The following GPC5 variants were observed in gnomAD, a reference collection of about 807,000 sequenced individuals.
GPC5 encodes the protein glypican-5.
A neutral mutation model predicts 53.9 loss-of-function variants in GPC5; 47 were observed. The observed-to-expected ratio is 0.87, with a 90% CI of 0.69 to 1.11. GPC5 has a LOEUF of 1.11. GPC5 is among the 50% of genes most tolerant of loss of function. The probability of loss-of-function intolerance (pLI) is 0.00; values close to 1 mark genes in which losing one functional copy is unlikely to be tolerated. For synonymous variants in GPC5, 286 were observed against 263.3 expected (o/e 1.09, Z -0.84); for missense variants, 748 against 713.1 (o/e 1.05, Z -0.56).
chr13:91,598,862 A>G (rs993737345), intron 2 of GPC5, among the ~76,000 whole-genome samples: 1 of 152,012 alleles, frequency 6.6e-6, no homozygotes, highest in African/African-American at 2.4e-5. Context: ...GGAAAGCTAT[A>G]TAAAGAAAAA....
intron 6 of GPC5, among the ~76,000 whole-genome samples, chr13:92,128,350 A>G (rs933916049): frequency 2.6e-5 from 4 of 152,196 alleles, no homozygotes; most frequent in African/African-American, 9.6e-5. Flanking sequence ...CTCCAAGAAC[A>G]TCTCTAAAGC....
At chr13:92,578,026 T>C (rs185003519) in intron 7 of GPC5, among the ~76,000 whole-genome samples, 1 of 152,118 alleles carries the variant, frequency 6.6e-6, no homozygotes, top group African/African-American at 2.4e-5. Context: ...TTTGTGAAAA[T>C]AGTTGTGGTT....
chr13:91,840,451 A>G (rs2038772768), intron 5 of GPC5, among the ~76,000 whole-genome samples: 1 of 152,108 alleles, frequency 6.6e-6, no homozygotes, highest in Non-Finnish European at 1.5e-5. Context: ...AAATCCTGGG[A>G]AAACTGTATT....
At chr13:92,467,373 A>G (rs1015370464) in intron 7 of GPC5, among the ~76,000 whole-genome samples, 3 of 152,148 alleles carry the variant, frequency 2.0e-5, no homozygotes, top group Non-Finnish European at 4.4e-5. Context: ...ATTGGTATAC[A>G]TTAATATAAG....
intron 5 of GPC5, among the ~76,000 whole-genome samples, chr13:91,845,578 A>G (rs1032712174): frequency 6.6e-6 from 1 of 152,154 alleles, no homozygotes; most frequent in Admixed American, 6.6e-5. Context: ...TTTAACTTTC[A>G]TGAGTAAATA....
intron 2 of GPC5, among the ~76,000 whole-genome samples, chr13:91,544,949 T>G (rs1031776308): frequency 6.6e-6 from 1 of 152,134 alleles, no homozygotes; most frequent in Non-Finnish European, 1.5e-5. Flanking sequence ...GCAAACTCAG[T>G]TCCTCACTGT....
intron 5 of GPC5, among the ~76,000 whole-genome samples, chr13:91,815,837 A>T (rs893462222): frequency 1.3e-5 from 2 of 152,208 alleles, no homozygotes; most frequent in African/African-American, 4.8e-5. Flanking sequence ...TAATAATTCA[A>T]ATGAAGTGGC....
intron 2 of GPC5, among the ~76,000 whole-genome samples, chr13:91,629,136 A>G (rs1328342915): frequency 1.3e-5 from 2 of 152,132 alleles, no homozygotes; most frequent in African/African-American, 4.8e-5. Flanking sequence ...GTGTTAATAA[A>G]TTATTTCTGG....
intron 6 of GPC5, among the ~76,000 whole-genome samples, chr13:91,934,964 TA>T (rs1239269168): frequency 1.3e-5 from 2 of 151,946 alleles, no homozygotes; most frequent in Non-Finnish European, 2.9e-5. Context: ...TTATCCAAAA[TA>T]AAAATTTACA....
intron 7 of GPC5, among the ~76,000 whole-genome samples, chr13:92,319,975 A>G (rs1447423869): frequency 2.0e-5 from 3 of 152,114 alleles, no homozygotes; most frequent in African/African-American, 7.2e-5. Flanking sequence ...AACTTCATTT[A>G]CCTTATTTAA....
At chr13:92,791,509 G>A (rs928402848) in intron 7 of GPC5, among the ~76,000 whole-genome samples, 21 of 151,792 alleles carry the variant, frequency 1.4e-4, no homozygotes, top group Non-Finnish European at 2.4e-4. Context: ...AAGCAATAAA[G>A]GGATTCATCA....
At chr13:91,814,301 T>A (rs2038364886) in intron 5 of GPC5, among the ~76,000 whole-genome samples, 1 of 152,152 alleles carries the variant, frequency 6.6e-6, no homozygotes, top group South Asian at 2.1e-4. Flanking sequence ...ATATTTTGTA[T>A]TTGTATGTAT....
chr13:91,546,750 G>A (rs1026029855), intron 2 of GPC5, among the ~76,000 whole-genome samples: 7 of 152,040 alleles, frequency 4.6e-5, no homozygotes, highest in Non-Finnish European at 7.4e-5. Context: ...AAGCGATATC[G>A]AGGATTTTAA....
chr13:92,761,510 C>T (rs986905261), intron 7 of GPC5, among the ~76,000 whole-genome samples: 2 of 152,092 alleles, frequency 1.3e-5, no homozygotes, highest in African/African-American at 4.8e-5. Flanking sequence ...AATTCAAAGT[C>T]TATTTTATTT....
chr13:92,556,130 T>C (rs1249448639), intron 7 of GPC5, among the ~76,000 whole-genome samples: 3 of 151,766 alleles, frequency 2.0e-5, no homozygotes, highest in Non-Finnish European at 4.4e-5. Context: ...TGGGTTTCTG[T>C]TTTGTTTTTG....
intron 6 of GPC5, among the ~76,000 whole-genome samples, chr13:91,930,869 A>C (rs1258911577): frequency 6.6e-6 from 1 of 152,080 alleles, no homozygotes; most frequent in Non-Finnish European, 1.5e-5. Context: ...TTTATTGAAA[A>C]GCGTGATCTA....
At chr13:91,832,641 T>G (rs950571546) in intron 5 of GPC5, among the ~76,000 whole-genome samples, 20 of 152,094 alleles carry the variant, frequency 1.3e-4, no homozygotes, top group African/African-American at 4.6e-4. Context: ...CCTGAACGAC[T>G]ACTGGGTAAA....
intron 2 of GPC5, among the ~76,000 whole-genome samples, chr13:91,530,456 T>C (rs1418278903): frequency 6.6e-6 from 1 of 152,216 alleles, no homozygotes; most frequent in Non-Finnish European, 1.5e-5. Flanking sequence ...CTGACACCAG[T>C]ATTCGAACAT....
intron 5 of GPC5, among the ~76,000 whole-genome samples, chr13:91,843,180 A>G (rs1288898225): frequency 6.6e-6 from 1 of 152,224 alleles, no homozygotes; most frequent in African/African-American, 2.4e-5. Flanking sequence ...AAACTTGATT[A>G]ATGATCCTCA....
Sources: allele counts gnomAD v4.1 joint callset (sites outside exome capture counted in the v4.1 genomes callset), GRCh38; gene constraint gnomAD v4.1.1; transcripts MANE v1.5; gene names NCBI Gene and HGNC (gene_info 2026-07-23, HGNC 2026-07-21).